Variants in PRKDC observed in about 807,000 individuals in gnomAD.
The protein encoded by PRKDC is DNA-dependent protein kinase catalytic subunit.
PRKDC carries 82 observed loss-of-function variants against 486.9 expected under a neutral mutation model. The observed-to-expected ratio is 0.17, with a 90% confidence interval of 0.14 to 0.20. PRKDC has a LOEUF of 0.20. Among genes scored for constraint, PRKDC ranks in the 10% least tolerant of loss-of-function variants. The pLI is 1.00. For synonymous variants in PRKDC, 1,895 were observed against 1,837.0 expected (o/e 1.03, Z -0.81); for missense variants, 4,504 against 5,038.2 (o/e 0.89, Z 3.21).
chr8:47,836,154 TTC>T (rs2088016318), intron 58 of PRKDC, among the ~76,000 whole-genome samples, 182 bp downstream of exon 58: 1 of 151,814 alleles, frequency 6.6e-6, no homozygotes, highest in South Asian at 2.1e-4. Context: ...GCACTCTACT[TTC>T]TGTTTCCATG....
intron 68 of PRKDC, among the ~76,000 whole-genome samples, chr8:47,813,099 ATT>A (rs1361032467): frequency 2.1e-5 from 3 of 140,584 alleles, no homozygotes; most frequent in African/African-American, 8.9e-5. Context: ...TTTTATATTT[ATT>A]TATTTATTTA....
chr8:47,912,392 C>A lies in PRKDC; in HGVS notation c.2934+18G>T. ...ACTTTTAGAAATTTTACAACTATTT[C>A]AGATTCAAAGCCCTTACCTGATCAA... On this transcript the variant is annotated intron_variant, in intron 25 of 85. Transcript: ENST00000314191. 6.7e-7 allele frequency: 1 copy of A among 1,500,934 alleles called. No individual in the cohort carries two copies. The highest frequency in any genetic ancestry group is 8.9e-7 in the Non-Finnish European group (1 of 1,120,632). The allele number at this position is 1,500,934 out of a possible 1,614,324, so 93.0% of individuals were successfully genotyped here.
At chr8:47,888,276 C>T (rs2089378890) in intron 34 of PRKDC, among the ~76,000 whole-genome samples, 1 of 152,080 alleles carries the variant, frequency 6.6e-6, no homozygotes, top group Non-Finnish European at 1.5e-5. Flanking sequence ...TCTGTAAATA[C>T]CTAAATGTCC....
At chr8:47,952,926 G>C (rs576565115) in intron 7 of PRKDC, among the ~76,000 whole-genome samples, 1 of 152,226 alleles carries the variant, frequency 6.6e-6, no homozygotes, top group Admixed American at 6.5e-5. Flanking sequence ...GATCATTTGA[G>C]GTCAGGAGTT....
intron 32 of PRKDC, among the ~76,000 whole-genome samples, chr8:47,889,515 G>A (rs770530699): frequency 2.6e-5 from 4 of 152,250 alleles, no homozygotes; most frequent in Non-Finnish European, 5.9e-5. Context: ...TTGTGTCCAT[G>A]GACAGGGTTT....
rs1222460394 is a variant in PRKDC, at chr8:47,799,282, C to A, written c.10225G>T (p.Val3409Leu). 1 of 1,613,686 alleles carries A rather than the reference C, an allele frequency of 6.2e-7. No homozygotes were observed. Among genetic ancestry groups the A allele is most frequent in the Non-Finnish European group, 8.5e-7 (1 of 1,179,902 alleles). Residue 3409 changes from valine (V) to leucine (L), a missense_variant, in exon 72 of 86, where the codon GTG becomes TTG. Val to Leu is a conservative substitution (Grantham distance 32). Transcript: ENST00000314191. ...PSWSCGPAAG[V>L]IDAYMTLADF... ...GCCAGCGTCATGTAAGCATCAATCA[C>A]CCCAGCTGCAGGCCCACAGCTCCAG...
chr8:47,823,471 T>C (rs765721728), intron 64 of PRKDC, among the ~76,000 whole-genome samples: 1 of 151,850 alleles, frequency 6.6e-6, no homozygotes, highest in African/African-American at 2.4e-5. Flanking sequence ...GGCAGCACCA[T>C]ACTTCCTGTG....
At chr8:47,797,683 A>G (rs899972751) in intron 73 of PRKDC, among the ~76,000 whole-genome samples, 3 of 152,208 alleles carry the variant, frequency 2.0e-5, no homozygotes, top group Non-Finnish European at 1.5e-5. Context: ...GACAGAGCCC[A>G]AAGGACAGGA....
intron 45 of PRKDC, among the ~76,000 whole-genome samples, 182 bp from the exon 46 acceptor site, chr8:47,859,941 A>C (rs1476508243): frequency 6.6e-6 from 1 of 152,126 alleles, no homozygotes; most frequent in Non-Finnish European, 1.5e-5. Flanking sequence ...AAAAGACCTC[A>C]TTTTCTTTTT....
At chr8:47,882,705 G>A (rs2089247389) in intron 36 of PRKDC, among the ~76,000 whole-genome samples, 1 of 152,210 alleles carries the variant, frequency 6.6e-6, no homozygotes, top group Non-Finnish European at 1.5e-5. Flanking sequence ...CTGCAACAGA[G>A]TGACAGGCTA....
Position 47,800,973 on chromosome 8 carries a change from C to T in PRKDC, c.9936G>A (p.Val3312=), listed in dbSNP as rs779272380. The stretch of plus-strand genomic sequence containing the variant: ...GAATATTTTTGCTTAAGTAGCTTGA[C>T]ACGTTGTTCTCATCTGTTGGATTAA... ...KTVSLLDENN[V]SSYLSKNILA... is the part of the protein sequence containing the mutation. The change falls in exon 71 of 86, where the codon GTG becomes GTA. Residue 3312 remains valine (V), a synonymous_variant. Coordinates refer to ENST00000314191, the MANE Select transcript of PRKDC (RefSeq NM_006904.7). 13 of 1,613,668 alleles carry T rather than the reference C, an allele frequency of 8.1e-6. No individual in the cohort carries two copies. The African/African-American group carries it at 1.1e-4, about 13-fold the overall frequency.
At position 47,893,269 on chromosome 8, in the gene PRKDC, G is replaced by A; in HGVS notation, c.3717C>T (p.Pro1239=). 1 of 1,612,092 alleles carries A rather than the reference G, an allele frequency of 6.2e-7. No individual in the cohort carries two copies. Among genetic ancestry groups the A allele is most frequent in the South Asian group, 1.1e-5 (1 of 90,772 alleles). ...ATGGCCCCCGAAGGTACAAGAGGGTGGGCTGGGCCAGGATGCCCGAGGGCT... is the reference window on the plus strand; with the variant it reads ...ATGGCCCCCGAAGGTACAAGAGGGTAGGCTGGGCCAGGATGCCCGAGGGCT... ...CGQPSGILAQ[P]TLLYLRGPFS... is the part of the protein sequence containing the mutation. Residue 1239 remains proline, a synonymous_variant, in exon 31 of 86, where the codon CCC becomes CCT. Coordinates refer to ENST00000314191, the MANE Select transcript of PRKDC (RefSeq NM_006904.7).
chr8:47,929,651 T>A (rs1160022742), intron 18 of PRKDC, among the ~76,000 whole-genome samples: 1 of 152,164 alleles, frequency 6.6e-6, no homozygotes, highest in Non-Finnish European at 1.5e-5. Flanking sequence ...TAGCCAGGTG[T>A]TTGAGCATCA....
At chr8:47,803,804 C>T (rs913650850) in intron 69 of PRKDC, among the ~76,000 whole-genome samples, 3 of 152,006 alleles carry the variant, frequency 2.0e-5, no homozygotes, top group Admixed American at 1.3e-4. Context: ...AAAAAATTAG[C>T]CAGCACCATG....
intron 14 of PRKDC, 135 bp from the exon 15 acceptor site, chr8:47,934,225 C>T (rs2090307897): frequency 2.8e-6 from 3 of 1,069,244 alleles, no homozygotes; most frequent in Non-Finnish European, 3.9e-6. Context: ...AGGAAGACAT[C>T]GTATTAAAAA....
At chr8:47,864,804 GA>G (rs1409820811) in intron 40 of PRKDC, 41 bp from the exon 41 acceptor site, 113 of 1,471,410 alleles carry the variant, frequency 7.7e-5, no homozygotes, top group Non-Finnish European at 9.9e-5. Flanking sequence ...TCCCTGCTTT[GA>G]AGAGGAACTT....
intron 3 of PRKDC, among the ~76,000 whole-genome samples, chr8:47,956,831 G>A (rs2090710483): frequency 6.6e-6 from 1 of 150,980 alleles, no homozygotes; most frequent in East Asian, 1.9e-4. Context: ...AGGGCCCCAG[G>A]GAGCCCAGGG....
At chr8:47,839,709 TA>T (rs948136686) in intron 55 of PRKDC, among the ~76,000 whole-genome samples, 2 of 151,368 alleles carry the variant, frequency 1.3e-5, no homozygotes, top group Admixed American at 6.6e-5. Context: ...AATCATATGG[TA>T]AAAAAAAATG....
At chr8:47,844,216 A>G (rs982246248) in intron 54 of PRKDC, among the ~76,000 whole-genome samples, 1 of 152,262 alleles carries the variant, frequency 6.6e-6, no homozygotes, top group African/African-American at 2.4e-5. Flanking sequence ...TATCACAAAA[A>G]CAGAAAATGA....
Sources: allele counts gnomAD v4.1 joint callset (sites outside exome capture counted in the v4.1 genomes callset), GRCh38; gene constraint gnomAD v4.1.1; transcripts MANE v1.5; gene names NCBI Gene and HGNC (gene_info 2026-07-23, HGNC 2026-07-21).